ATG10: variants seen among roughly 807,000 people sequenced by gnomAD.
ATG10 encodes ubiquitin-like-conjugating enzyme ATG10.
ATG10 carries 30 observed loss-of-function variants against 32.1 expected under a neutral mutation model. The ratio of observed to expected loss-of-function variants is 0.94; its 90% CI spans 0.70 to 1.27. The LOEUF (loss-of-function observed/expected upper bound fraction) is 1.27, where lower values mean the gene tolerates loss of function less well. Among genes scored for constraint, ATG10 ranks in the 50% most tolerant of loss-of-function variants. The pLI is 0.00. For synonymous variants in ATG10, 87 were observed against 91.5 expected (o/e 0.95, Z 0.28); for missense variants, 233 against 262.3 (o/e 0.89, Z 0.77).
At chr5:82,011,766 C>T (rs1010394518) in intron 2 of ATG10, among the ~76,000 whole-genome samples, 2 of 152,144 alleles carry the variant, frequency 1.3e-5, no homozygotes, top group Non-Finnish European at 1.5e-5. Context: ...TAGTTTCAAC[C>T]ATGTCCTCTG....
At chr5:82,046,797 C>T (rs80120430) in intron 2 of ATG10, among the ~76,000 whole-genome samples, 7,562 of 152,210 alleles carry the variant, frequency 0.05, 459 homozygotes, top group African/African-American at 0.15. Context: ...TTTCTACCAT[C>T]AGTACTATCA....
intron 2 of ATG10, among the ~76,000 whole-genome samples, chr5:82,005,745 T>C (rs1241100124): frequency 6.6e-6 from 1 of 152,188 alleles, no homozygotes; most frequent in East Asian, 1.9e-4. Context: ...TAATTTCCTA[T>C]AGATTTTCAG....
chr5:82,059,076 C>A (rs1448379956), intron 3 of ATG10, among the ~76,000 whole-genome samples: 1 of 152,062 alleles, frequency 6.6e-6, no homozygotes, highest in Admixed American at 6.6e-5. Context: ...GCCTTTAGCC[C>A]CTTTTCCCTT....
chr5:82,007,573 C>T (rs1015805512), intron 2 of ATG10, among the ~76,000 whole-genome samples: 12 of 152,264 alleles, frequency 7.9e-5, no homozygotes, highest in East Asian at 1.9e-4. Flanking sequence ...CCACCTCAGC[C>T]GCCTGTGTAG....
rs1406505780 is a variant in ATG10 at position 81,987,589 on chromosome 5, A to G, written c.19A>G (p.Ile7Val). 20 of 1,611,256 alleles carry G rather than the reference A, an allele frequency of 1.2e-5. No individual in the cohort carries two copies. Among genetic ancestry groups the G allele is most frequent in the Non-Finnish European group, 1.7e-5 (20 of 1,178,742 alleles). The change falls in exon 2 of 8, where the codon ATT (isoleucine) becomes GTT (valine). Residue 7 changes from isoleucine (I) to valine (V), a missense_variant. Physicochemically the swap from Ile to Val is conservative, Grantham distance 29. Transcript: ENST00000282185. MEEDEF[I>V]GEKTFQRYCA... ...ATTTAACATGGAAGAAGATGAGTTC[A>G]TTGGAGAAAAAACATTCCAACGTTA...
intron 3 of ATG10, among the ~76,000 whole-genome samples, chr5:82,153,371 G>T (rs1561328821): frequency 2.6e-5 from 4 of 152,102 alleles, no homozygotes; most frequent in Non-Finnish European, 5.9e-5. Flanking sequence ...AAAAAAACTT[G>T]TGGGGCATTC....
At chr5:82,161,873 A>G (rs1743362711) in intron 3 of ATG10, among the ~76,000 whole-genome samples, 3 of 152,124 alleles carry the variant, frequency 2.0e-5, no homozygotes, top group Admixed American at 6.6e-5. Flanking sequence ...ACGTGTATAT[A>G]GTAAAGAAAT....
intron 3 of ATG10, among the ~76,000 whole-genome samples, chr5:82,127,131 T>C (rs141777111): frequency 0.09 from 12,946 of 143,834 alleles, 830 homozygotes; most frequent in African/African-American, 0.2. Context: ...GGTGATCTCC[T>C]CTTTATCATT....
chr5:82,204,316 A>G (rs1160315676), intron 5 of ATG10, among the ~76,000 whole-genome samples: 1 of 152,220 alleles, frequency 6.6e-6, no homozygotes, highest in African/African-American at 2.4e-5. Context: ...GAAGAGCAAA[A>G]GCAGACATGA....
At chr5:82,222,671 G>A (rs1031928247) in intron 5 of ATG10, among the ~76,000 whole-genome samples, 5 of 152,160 alleles carry the variant, frequency 3.3e-5, no homozygotes, top group African/African-American at 1.2e-4. Flanking sequence ...GGGCCATCTG[G>A]TAGTGATTAT....
At chr5:82,114,507 T>C (rs1456209759) in intron 3 of ATG10, among the ~76,000 whole-genome samples, 1 of 152,074 alleles carries the variant, frequency 6.6e-6, no homozygotes, top group African/African-American at 2.4e-5. Context: ...TGTATAAAAT[T>C]ACAGCTATAT....
intron 3 of ATG10, among the ~76,000 whole-genome samples, chr5:82,097,636 A>G (rs1478017223): frequency 1.3e-5 from 2 of 152,256 alleles, no homozygotes; most frequent in Non-Finnish European, 2.9e-5. Context: ...AACAGCAATT[A>G]CTTTTGCACT....
At chr5:82,094,105 T>A in intron 3 of ATG10, among the ~76,000 whole-genome samples, 1 of 152,148 alleles carries the variant, frequency 6.6e-6, no homozygotes, top group Non-Finnish European at 1.5e-5. Flanking sequence ...CAGCACCTCA[T>A]CGCGGGAAGC....
rs149635026 is a variant in ATG10, at chr5:82,150,849, C to G, written c.217-13550C>G. Among the ~76,000 whole-genome samples, 138 of 152,282 alleles carry G rather than the reference C, an allele frequency of 9.1e-4. 1 individual carries two copies. In the East Asian group the frequency reaches 0.026, roughly 28 times the overall value. ...GATTTCCATGTTCAGAGAACCTCTT[C>G]CTAAAAGCCAAAGAATCTTAGTAGG... On this transcript the variant is annotated intron_variant, in intron 3 of 7. Transcript: ENST00000282185.
At chr5:82,212,338 A>T (rs768226559) in intron 5 of ATG10, among the ~76,000 whole-genome samples, 17 of 152,218 alleles carry the variant, frequency 1.1e-4, no homozygotes, top group African/African-American at 4.1e-4. Context: ...CTTTCTTCTC[A>T]AGGATGACTC....
intron 1 of ATG10, among the ~76,000 whole-genome samples, chr5:81,976,915 G>A (rs545166898): frequency 2.1e-4 from 32 of 152,122 alleles, no homozygotes; most frequent in Non-Finnish European, 4.1e-4. Flanking sequence ...TTGTTGTGTC[G>A]CCCAGGCTGG....
chr5:82,160,684 T>C (rs1490211216), intron 3 of ATG10, among the ~76,000 whole-genome samples: 2 of 152,214 alleles, frequency 1.3e-5, no homozygotes. Flanking sequence ...TTTTGTTTAT[T>C]TTAGCCATTC....
In ATG10 at chr5:82,094,257, A is replaced by T. The variant is rs1401194244; in HGVS notation, c.216+35655A>T. Among the ~76,000 whole-genome samples, 3 of 152,218 alleles carry T rather than the reference A, an allele frequency of 2.0e-5. No homozygotes were observed. The East Asian group carries it at 5.8e-4, about 29-fold the overall frequency. On this transcript the variant is annotated intron_variant, in intron 3 of 7. Coordinates refer to ENST00000282185, the MANE Select transcript of ATG10 (RefSeq NM_031482.5). ...CCATTTGTTGCTTGATGTTTTGAAA[A>T]ATTATTCTTTCATATATTTTGTACA...
chr5:82,116,434 C>T lies in ATG10; in HGVS notation c.217-47965C>T, dbSNP rs1376961465. Among the ~76,000 whole-genome samples, 9 of 152,006 alleles carry T rather than the reference C, an allele frequency of 5.9e-5. No homozygotes were observed. In the East Asian group the frequency reaches 1.7e-3, roughly 29 times the overall value. ...GAAACACAATTTTGAATTATATTTA[C>T]ACTTAAGTTTCTAGTCTCAGGGCTA... On this transcript the variant is annotated intron_variant, in intron 3 of 7. Transcript: ENST00000282185.
Sources: allele counts gnomAD v4.1 joint callset (sites outside exome capture counted in the v4.1 genomes callset), GRCh38; gene constraint gnomAD v4.1.1; transcripts MANE v1.5; gene names NCBI Gene and HGNC (gene_info 2026-07-23, HGNC 2026-07-21).